The following OXSR1 variants were observed in gnomAD, a reference collection of about 807,000 sequenced individuals.
OXSR1 encodes serine/threonine-protein kinase OSR1.
OXSR1 carries 24 observed loss-of-function variants against 79.8 expected under a neutral mutation model. The ratio of observed to expected loss-of-function variants is 0.30; its 90% CI spans 0.22 to 0.42. The LOEUF (loss-of-function observed/expected upper bound fraction) is 0.42, where lower values mean the gene tolerates loss of function less well. OXSR1 is among the 10% of genes least tolerant of loss of function. OXSR1 has a pLI of 1.00. For synonymous variants in OXSR1, 226 were observed against 209.2 expected (o/e 1.08, Z -0.69); for missense variants, 430 against 618.4 (o/e 0.70, Z 3.23).
At chr3:38,174,497 G>A (rs1246595173) in intron 1 of OXSR1, among the ~76,000 whole-genome samples, 1 of 152,120 alleles carries the variant, frequency 6.6e-6, no homozygotes, top group Admixed American at 6.6e-5. Context: ...CATGAGAATC[G>A]CTTGAACCCG....
At chr3:38,209,849 C>T (rs1702350288) in intron 4 of OXSR1, among the ~76,000 whole-genome samples, 1 of 151,948 alleles carries the variant, frequency 6.6e-6, no homozygotes, top group African/African-American at 2.4e-5. Context: ...GTCTCAATCT[C>T]CTGACCTCGT....
rs562635647 is a variant in OXSR1 at position 38,246,213 on chromosome 3, A to C, written c.1249A>C (p.Thr417Pro). ...SLPPTAEPAK[T>P]AQALSSGSGS... Reference sequence around the variant, plus strand: ...CCCACCCACCGCAGAGCCAGCAAAAACAGCTCAGGTAAAGCCGGGGATATG... The same window carrying C: ...CCCACCCACCGCAGAGCCAGCAAAACCAGCTCAGGTAAAGCCGGGGATATG... Residue 417 changes from threonine to proline, a missense_variant, in exon 13 of 18, where the codon ACA (threonine) becomes CCA (proline). By Grantham distance (38) the Thr-to-Pro change is conservative. Coordinates refer to ENST00000311806, the MANE Select transcript of OXSR1 (RefSeq NM_005109.3). 4 of 1,613,684 alleles carry C rather than the reference A, an allele frequency of 2.5e-6. No homozygotes were observed. The African/African-American group carries it at 4.0e-5, about 16-fold the overall frequency.
intron 4 of OXSR1, among the ~76,000 whole-genome samples, chr3:38,199,727 T>G (rs538871452): frequency 1.4e-4 from 22 of 152,276 alleles, no homozygotes; most frequent in African/African-American, 5.3e-4. Context: ...CTCCTGGCAC[T>G]GTGGGGACTC....
At chr3:38,169,747 CT>C (rs917310121) in intron 1 of OXSR1, among the ~76,000 whole-genome samples, 1 of 146,354 alleles carries the variant, frequency 6.8e-6, no homozygotes, top group African/African-American at 2.5e-5. Flanking sequence ...CATTTTCTTT[CT>C]TTTTTTTTGA....
chr3:38,244,350 C>T (rs1231706829), intron 12 of OXSR1, among the ~76,000 whole-genome samples: 2 of 152,072 alleles, frequency 1.3e-5, no homozygotes, highest in Non-Finnish European at 2.9e-5. Context: ...TAAGTATATT[C>T]ACACTGTAGT....
chr3:38,190,597 T>C, intron 2 of OXSR1, 134 bp from the exon 3 acceptor site: 2 of 604,372 alleles, frequency 3.3e-6, no homozygotes, highest in Non-Finnish European at 5.9e-6. Flanking sequence ...TAACCCTTCT[T>C]GAAGAAATCA....
chr3:38,203,394 C>G (rs1702204518), intron 4 of OXSR1, among the ~76,000 whole-genome samples: 1 of 152,104 alleles, frequency 6.6e-6, no homozygotes. Flanking sequence ...TCCCCCGGGC[C>G]CAGCTGTTTT....
chr3:38,200,286 A>G (rs1702141438), intron 4 of OXSR1, among the ~76,000 whole-genome samples: 1 of 152,046 alleles, frequency 6.6e-6, no homozygotes, highest in African/African-American at 2.4e-5. Context: ...TTTTTGATAT[A>G]TGTCTGTCAG....
chr3:38,206,357 C>T (rs1702263689), intron 4 of OXSR1, among the ~76,000 whole-genome samples: 1 of 151,972 alleles, frequency 6.6e-6, no homozygotes, highest in South Asian at 2.1e-4. Flanking sequence ...GCATTTTAGG[C>T]CACTTTTAAA....
chr3:38,199,575 C>A (rs1364819588), intron 4 of OXSR1, among the ~76,000 whole-genome samples: 1 of 152,108 alleles, frequency 6.6e-6, no homozygotes, highest in Admixed American at 6.6e-5. Flanking sequence ...ATTTCATGAT[C>A]CTATCTAAAT....
chr3:38,230,883 T>G (rs1702791697), intron 10 of OXSR1, among the ~76,000 whole-genome samples: 1 of 152,206 alleles, frequency 6.6e-6, no homozygotes, highest in African/African-American at 2.4e-5. Context: ...TATCTCAGTT[T>G]GGGCAGAATA....
At chr3:38,183,943 C>T (rs1186704672) in intron 2 of OXSR1, among the ~76,000 whole-genome samples, 1 of 152,060 alleles carries the variant, frequency 6.6e-6, no homozygotes, top group East Asian at 1.9e-4. Context: ...ATAATACTTG[C>T]TTTGGATACC....
chr3:38,218,688 A>G (rs1329518427), intron 5 of OXSR1, among the ~76,000 whole-genome samples: 1 of 152,128 alleles, frequency 6.6e-6, no homozygotes, highest in African/African-American at 2.4e-5. Context: ...TTGATTATCT[A>G]CTTTTTCTTT....
At chr3:38,168,432 A>C (rs1219885959) in intron 1 of OXSR1, among the ~76,000 whole-genome samples, 2 of 152,206 alleles carry the variant, frequency 1.3e-5, no homozygotes, top group African/African-American at 4.8e-5. Context: ...ACATTTATAT[A>C]AATGGGATCA....
At position 38,169,798 on chromosome 3, in the gene OXSR1, A is replaced by T. The variant is rs926602170; in HGVS notation, c.70+3852A>T. 8.6e-5 allele frequency among the ~76,000 whole-genome samples: 13 copies of T among 150,314 alleles called. No homozygotes were observed. In the East Asian group the frequency reaches 1.8e-3, roughly 20 times the overall value. On this transcript the variant is annotated intron_variant, in intron 1 of 17. Coordinates refer to ENST00000311806, the MANE Select transcript of OXSR1 (RefSeq NM_005109.3). ...GTCACCTAGGGTGGAGTGCAGTGTC[A>T]TGATCAGGGCTCACTCCACCTCCTG...
At chr3:38,242,120 G>A (rs1303054531) in intron 11 of OXSR1, among the ~76,000 whole-genome samples, 1 of 152,102 alleles carries the variant, frequency 6.6e-6, no homozygotes, top group Non-Finnish European at 1.5e-5. Flanking sequence ...CCTAATAAAT[G>A]TGGTTTACAC....
chr3:38,236,069 T>A (rs144956695), intron 10 of OXSR1, among the ~76,000 whole-genome samples: 1 of 152,290 alleles, frequency 6.6e-6, no homozygotes, highest in African/African-American at 2.4e-5. Flanking sequence ...TATAAACAGC[T>A]GAGAGAATAA....
rs760308389 is a variant in OXSR1, at chr3:38,228,228, G to A, written c.837-1459G>A. ...CACAGAAATTGAGTTTTCCAGTCACGTTCTGTCACTTAAAGAACCCATAAG... is the reference window on the plus strand; with the variant it reads ...CACAGAAATTGAGTTTTCCAGTCACATTCTGTCACTTAAAGAACCCATAAG... On this transcript the variant is annotated intron_variant, in intron 8 of 17. Transcript: ENST00000311806. Among the ~76,000 whole-genome samples the A allele has an allele frequency of 6.6e-5, 10 of 152,144 alleles. 1 individual carries two copies. The highest frequency in any genetic ancestry group is 1.3e-4 in the Non-Finnish European group (9 of 68,030).
At position 38,252,197 on chromosome 3, in the gene OXSR1, A is replaced by C. The variant is rs758996979; in HGVS notation, c.1445-131A>C. The C allele has an allele frequency of 3.7e-5, 26 of 702,610 alleles. No individual in the cohort carries two copies. The East Asian group carries it at 6.7e-4, about 18-fold the overall frequency. The allele number at this position is 702,610 out of a possible 1,614,324, so 43.5% of individuals were successfully genotyped here. ...AGACACTTTCATTAGGGGAGTGATT[A>C]TTTGATCTGTCTGCTTCCATTTTGA... On this transcript the variant is annotated intron_variant, in intron 16 of 17. Coordinates refer to ENST00000311806, the MANE Select transcript of OXSR1 (RefSeq NM_005109.3).
Sources: gnomAD v4.1 joint callset for allele counts (sites outside exome capture counted in the v4.1 genomes callset) on GRCh38, gnomAD v4.1.1 for gene constraint, MANE v1.5 for transcripts, NCBI Gene and HGNC (gene_info 2026-07-23, HGNC 2026-07-21) for gene names.